Variants in COX7B2 observed in about 807,000 individuals in gnomAD.
COX7B2 encodes the protein cytochrome c oxidase subunit 7B2, mitochondrial.
For missense variants in COX7B2, 109 were observed against 95.9 expected, an observed-to-expected ratio of 1.14 and a Z score of -0.57; for synonymous variants, 37 against 32.1, an observed-to-expected ratio of 1.15 and a Z score of -0.51.
In COX7B2 at chr4:46,896,908, T is replaced by C. The variant is rs760753810; in HGVS notation, c.-105+12252A>G. On this transcript the variant is annotated intron_variant, in intron 1 of 2. Coordinates refer to ENST00000355591, the MANE Select transcript of COX7B2 (RefSeq NM_130902.3). ...TTCTTTGCAACCCAAAGACAGAAGA[T>C]CTTGATTACTGTTGCAAGAATAATC... Among the ~76,000 whole-genome samples, 9 of 152,196 alleles carry C rather than the reference T, an allele frequency of 5.9e-5. 1 individual carries two copies.
chr4:46,844,124 T>C (rs749820981), intron 2 of COX7B2, among the ~76,000 whole-genome samples: 2 of 152,008 alleles, frequency 1.3e-5, no homozygotes, highest in African/African-American at 2.4e-5. Context: ...TGTTAAATTA[T>C]TATAATGTCC....
chr4:46,849,337 C>A (rs1196818406), intron 1 of COX7B2, among the ~76,000 whole-genome samples: 1 of 152,066 alleles, frequency 6.6e-6, no homozygotes, highest in Non-Finnish European at 1.5e-5. Flanking sequence ...CATTGTGAAA[C>A]ACAGAGAAAT....
chr4:46,791,981 A>T (rs1443394829), intron 2 of COX7B2, among the ~76,000 whole-genome samples: 3 of 152,236 alleles, frequency 2.0e-5, no homozygotes, highest in Non-Finnish European at 4.4e-5. Flanking sequence ...AAATCAGTGC[A>T]GAGCCAAAGA....
chr4:46,853,235 G>GT (rs780312067), intron 1 of COX7B2, among the ~76,000 whole-genome samples: 1 of 152,096 alleles, frequency 6.6e-6, no homozygotes, highest in African/African-American at 2.4e-5. Context: ...GGGATTAGCT[G>GT]TATTTCTTTA....
chr4:46,906,065 A>G (rs1720370795), intron 1 of COX7B2, among the ~76,000 whole-genome samples: 1 of 151,440 alleles, frequency 6.6e-6, no homozygotes, highest in Non-Finnish European at 1.5e-5. Context: ...TCCTGACCTC[A>G]TGATCCACCC....
intron 1 of COX7B2, among the ~76,000 whole-genome samples, chr4:46,905,221 A>T (rs1421123535): frequency 6.6e-6 from 1 of 152,178 alleles, no homozygotes; most frequent in Non-Finnish European, 1.5e-5. Context: ...ATATGAATAG[A>T]AGTAAGGTTT....
chr4:46,803,079 A>T (rs1718746145), intron 2 of COX7B2, among the ~76,000 whole-genome samples: 1 of 152,190 alleles, frequency 6.6e-6, no homozygotes, highest in South Asian at 2.1e-4. Context: ...TTTATATTTC[A>T]TTATGTTCTG....
intron 2 of COX7B2, among the ~76,000 whole-genome samples, chr4:46,791,042 C>T (rs1419225739): frequency 6.6e-6 from 1 of 152,186 alleles, no homozygotes; most frequent in African/African-American, 2.4e-5. Flanking sequence ...CTCTGCCACC[C>T]AGGCTGGAGT....
intron 1 of COX7B2, among the ~76,000 whole-genome samples, chr4:46,849,498 A>G (rs1445991908): frequency 6.6e-6 from 1 of 152,088 alleles, no homozygotes; most frequent in Non-Finnish European, 1.5e-5. Context: ...AATGGATAGT[A>G]TATGCTCAAT....
intron 1 of COX7B2, among the ~76,000 whole-genome samples, chr4:46,870,663 T>A (rs1717934010): frequency 6.6e-6 from 1 of 151,822 alleles, no homozygotes; most frequent in African/African-American, 2.4e-5. Context: ...CCTACAAAAA[T>A]CACTAGCACT....
chr4:46,823,904 GA>G (rs912494609), intron 2 of COX7B2, among the ~76,000 whole-genome samples: 40 of 143,802 alleles, frequency 2.8e-4, no homozygotes, highest in Middle Eastern at 3.6e-3. Flanking sequence ...TATCAGGAAT[GA>G]AAAAAAAAAG....
At chr4:46,896,031 T>A (rs1284852846) in intron 1 of COX7B2, among the ~76,000 whole-genome samples, 1 of 152,182 alleles carries the variant, frequency 6.6e-6, no homozygotes, top group Non-Finnish European at 1.5e-5. Flanking sequence ...AAGTTATTAT[T>A]AAACACACAA....
intron 2 of COX7B2, among the ~76,000 whole-genome samples, chr4:46,817,307 A>G (rs748915101): frequency 2.0e-5 from 3 of 152,224 alleles, no homozygotes; most frequent in Non-Finnish European, 4.4e-5. Flanking sequence ...TATAATAACA[A>G]TTTGGGATAT....
At chr4:46,893,844 A>T (rs1331278879) in intron 1 of COX7B2, among the ~76,000 whole-genome samples, 1 of 152,200 alleles carries the variant, frequency 6.6e-6, no homozygotes, top group Non-Finnish European at 1.5e-5. Context: ...AAAATGTGAG[A>T]AAAAGAATTA....
intron 2 of COX7B2, among the ~76,000 whole-genome samples, chr4:46,828,953 A>C (rs1239425537): frequency 6.6e-6 from 1 of 152,200 alleles, no homozygotes; most frequent in Non-Finnish European, 1.5e-5. Context: ...ATTTCTCTAC[A>C]TTCATGAATC....
At chr4:46,805,156 C>T (rs1382757103) in intron 2 of COX7B2, among the ~76,000 whole-genome samples, 3 of 152,212 alleles carry the variant, frequency 2.0e-5, no homozygotes, top group Admixed American at 2.0e-4. Context: ...AGCCCCAGTT[C>T]CCACCCATGC....
rs78730718 is a variant in COX7B2, at chr4:46,824,475, C to T, written c.-50+20485G>A. On this transcript the variant is annotated intron_variant, in intron 2 of 2. Transcript: ENST00000355591. ...TTGTACCAAAGTCAATCAGCTTTTT[C>T]GTTATTCACTAACCTGTCATGCTGC... 3.9e-3 allele frequency among the ~76,000 whole-genome samples: 588 copies of T among 152,094 alleles called. 2 individuals are homozygous for T. Among genetic ancestry groups the T allele is most frequent in the Admixed American group, 7.7e-3 (118 of 15,260 alleles).
chr4:46,788,791 A>C (rs1189725131), intron 2 of COX7B2, among the ~76,000 whole-genome samples: 1 of 152,202 alleles, frequency 6.6e-6, no homozygotes, highest in Non-Finnish European at 1.5e-5. Context: ...CAAACAGAGA[A>C]GTGCTTGGAA....
At chr4:46,782,533 G>A (rs1201748228) in intron 2 of COX7B2, among the ~76,000 whole-genome samples, 4 of 151,830 alleles carry the variant, frequency 2.6e-5, no homozygotes, top group African/African-American at 4.8e-5. Context: ...GGTCCCATAA[G>A]AGAATAAAAG....
Sources: allele counts gnomAD v4.1 joint callset (sites outside exome capture counted in the v4.1 genomes callset), GRCh38; gene constraint gnomAD v4.1.1; transcripts MANE v1.5; gene names NCBI Gene and HGNC (gene_info 2026-07-23, HGNC 2026-07-21).